CNIH1: variants seen among roughly 807,000 people sequenced by gnomAD.
The protein encoded by CNIH1 is protein cornichon homolog 1.
Under a neutral mutation model 20.2 loss-of-function variants are expected in CNIH1, and 12 were observed. The observed-to-expected ratio is 0.59, with a 90% CI of 0.38 to 0.96. The LOEUF (loss-of-function observed/expected upper bound fraction) is 0.96. Among genes scored for constraint, CNIH1 ranks in the 40% least tolerant of loss-of-function variants. The pLI is 0.00. For synonymous variants in CNIH1, 69 were observed against 63.3 expected (o/e 1.09, Z -0.43); for missense variants, 152 against 178.8 (o/e 0.85, Z 0.85).
At position 54,432,032 on chromosome 14, in the gene CNIH1, T is replaced by A. The variant is rs113690865; in HGVS notation, c.263+76A>T. 140 of 668,266 alleles carry A rather than the reference T, an allele frequency of 2.1e-4. No individual in the cohort carries two copies. In the African/African-American group the frequency reaches 2.1e-3, roughly 10 times the overall value. 41.4% of individuals were successfully genotyped at this position (668,266 alleles called of 1,614,324 possible). ...TCCATTTTTATGTAGGTGACTAGCA[T>A]GTAAGATAACCATATCAACCACAGT... On this transcript the variant is annotated intron_variant, in intron 3 of 4. Transcript: ENST00000216416.
At chr14:54,431,471 A>C (rs1221976872) in intron 3 of CNIH1, among the ~76,000 whole-genome samples, 1 of 152,194 alleles carries the variant, frequency 6.6e-6, no homozygotes, top group Non-Finnish European at 1.5e-5. Flanking sequence ...TGTAGACCTG[A>C]TAACACTTTA....
chr14:54,429,231 G>C (rs931801415), intron 4 of CNIH1, among the ~76,000 whole-genome samples: 4 of 152,194 alleles, frequency 2.6e-5, no homozygotes, highest in Admixed American at 2.6e-4. Flanking sequence ...TTCTCACCCA[G>C]GGCAATTTTG....
At chr14:54,432,075 T>A (rs1566716625) in intron 3 of CNIH1, 33 bp downstream of exon 3, 1 of 1,204,218 alleles carries the variant, frequency 8.3e-7, no homozygotes, top group Non-Finnish European at 1.1e-6. Flanking sequence ...AGTTTTAATT[T>A]AAAAAAATAT....
At chr14:54,431,023 C>T (rs1436105992) in intron 3 of CNIH1, among the ~76,000 whole-genome samples, 1 of 151,964 alleles carries the variant, frequency 6.6e-6, no homozygotes, top group Non-Finnish European at 1.5e-5. Context: ...GGGGGTTTTG[C>T]CACGTTGCCC....
chr14:54,424,820 G>C lies in CNIH1; in HGVS notation c.*2994C>G, dbSNP rs1237933103. 6.6e-6 allele frequency: 1 copy of C among 152,110 alleles called. No individual in the cohort carries two copies. The highest frequency in any genetic ancestry group is 1.5e-5 in the Non-Finnish European group (1 of 68,016). 9.4% of individuals were successfully genotyped at this position (152,110 alleles called of 1,614,324 possible). A position where few individuals can be genotyped will look rare whatever the true frequency, so the allele number is the denominator to read the frequency against. On this transcript the variant is annotated 3_prime_UTR_variant, in exon 5 of 5. Coordinates refer to ENST00000216416, the MANE Select transcript of CNIH1 (RefSeq NM_005776.3). ...TGCCATGTGAGAGACCATTATCTGGGTACATGAATTTGACTGGTAGGTCTG... is the reference window on the plus strand; with the variant it reads ...TGCCATGTGAGAGACCATTATCTGGCTACATGAATTTGACTGGTAGGTCTG...
rs150353270 is a variant in CNIH1, at chr14:54,431,779, T to G, written c.263+329A>C. 6.6e-5 allele frequency among the ~76,000 whole-genome samples: 10 copies of G among 152,288 alleles called. No homozygotes were observed. The East Asian group carries it at 1.7e-3, about 26-fold the overall frequency. The stretch of plus-strand genomic sequence containing the variant: ...TGACTTAAGATGGGGCATAAGTGAA[T>G]GCTCTGGAGGCTACAACTGTTGTGT... On this transcript the variant is annotated intron_variant, in intron 3 of 4. Transcript: ENST00000216416.
intron 2 of CNIH1, among the ~76,000 whole-genome samples, chr14:54,432,936 CA>C (rs1421832648): frequency 6.6e-6 from 1 of 152,090 alleles, no homozygotes; most frequent in Non-Finnish European, 1.5e-5. Context: ...CCCTGCTTGC[CA>C]ACAAAATGCT....
chr14:54,430,534 T>G, intron 3 of CNIH1, 130 bp from the exon 4 acceptor site: 1 of 799,290 alleles, frequency 1.3e-6, no homozygotes, highest in Non-Finnish European at 1.9e-6. Context: ...TACTTATGGG[T>G]AAAATGCTTT....
At chr14:54,431,392 C>A (rs1315922609) in intron 3 of CNIH1, among the ~76,000 whole-genome samples, 1 of 152,172 alleles carries the variant, frequency 6.6e-6, no homozygotes. Flanking sequence ...TCCCAAAGTG[C>A]TGGGATTACA....
At position 54,426,736 on chromosome 14, in the gene CNIH1, A is replaced by G. The variant is rs980694326; in HGVS notation, c.*1078T>C. On this transcript the variant is annotated 3_prime_UTR_variant, in exon 5 of 5. Transcript: ENST00000216416. ...GATGCTATGCCATCCACGTTTATGA[A>G]TCTTGTCAAATGACAAAAGAGGTTA... The G allele has an allele frequency of 6.6e-6, 1 of 152,216 alleles. No homozygotes were observed. Among genetic ancestry groups the G allele is most frequent in the South Asian group, 2.1e-4 (1 of 4,836 alleles). 9.4% of individuals were successfully genotyped at this position (152,216 alleles called of 1,614,324 possible). A position where few individuals can be genotyped will look rare whatever the true frequency, so the allele number is the denominator to read the frequency against.
chr14:54,430,148 C>T, intron 4 of CNIH1, 113 bp downstream of exon 4: 2 of 1,158,380 alleles, frequency 1.7e-6, no homozygotes, highest in Non-Finnish European at 2.5e-6. Flanking sequence ...ACCATGCACA[C>T]TTAAGACACT....
chr14:54,438,754 A>C (rs1203541881), intron 1 of CNIH1, among the ~76,000 whole-genome samples: 1 of 152,238 alleles, frequency 6.6e-6, no homozygotes, highest in African/African-American at 2.4e-5. Context: ...TAACTCCTCC[A>C]AATCTCAGGT....
intron 2 of CNIH1, among the ~76,000 whole-genome samples, chr14:54,434,407 T>C (rs2031012468): frequency 6.6e-6 from 1 of 152,128 alleles, no homozygotes; most frequent in Admixed American, 6.5e-5. Flanking sequence ...AAATTTACAA[T>C]ACATTAGGAA....
At chr14:54,439,539 A>ACTTT (rs762752719) in intron 1 of CNIH1, among the ~76,000 whole-genome samples, 4 of 150,212 alleles carry the variant, frequency 2.7e-5, no homozygotes, top group African/African-American at 9.8e-5. Flanking sequence ...GGAACCACAC[A>ACTTT]CTTTCTTTCT....
Position 54,426,051 on chromosome 14 carries a change from TG to T in CNIH1, c.*1762del, listed in dbSNP as rs2139997490. ...CTAAGTGCATGCTGATGTAATCAGG[TG>T]GACTGGAAACTGAATGACTGCCTGT... On this transcript the variant is annotated 3_prime_UTR_variant, in exon 5 of 5. Transcript: ENST00000216416. The T allele has an allele frequency of 6.6e-6, 1 of 152,240 alleles. No individual in the cohort carries two copies. The highest frequency in any genetic ancestry group is 1.9e-4 in the East Asian group (1 of 5,170). The allele number at this position is 152,240 out of a possible 1,614,324, so 9.4% of individuals were successfully genotyped here. A position where few individuals can be genotyped will look rare whatever the true frequency, so the allele number is the denominator to read the frequency against.
chr14:54,432,409 G>A (rs2030967689), intron 2 of CNIH1, among the ~76,000 whole-genome samples, 189 bp from the exon 3 acceptor site: 1 of 152,198 alleles, frequency 6.6e-6, no homozygotes, highest in Admixed American at 6.5e-5. Flanking sequence ...CAGGCAAACT[G>A]ACCAGAGCAT....
At position 54,441,288 on chromosome 14, in the gene CNIH1, G is replaced by C. The variant is rs1226674370; in HGVS notation, c.40C>G (p.Leu14Val). 4 of 1,522,186 alleles carry C rather than the reference G, an allele frequency of 2.6e-6. No individual in the cohort carries two copies. In the East Asian group the frequency reaches 8.0e-5, roughly 30 times the overall value. 94.3% of individuals were successfully genotyped at this position (1,522,186 alleles called of 1,614,324 possible). The change falls in exon 1 of 5, where the codon CTG (leucine) becomes GTG (valine). Residue 14 changes from leucine to valine, a missense_variant. Physicochemically the swap from Leu to Val is conservative, Grantham distance 32 (BLOSUM62 1). Coordinates refer to ENST00000216416, the MANE Select transcript of CNIH1 (RefSeq NM_005776.3). ...AAGATGAGCGCGGCAGTGAGCAGCA[G>C]CGCCAGCATGTAGCAGAAGGCCGCG... ...TFAAFCYMLA[L>V]LLTAALIFFA...
At chr14:54,437,609 C>CT (rs1431365389) in intron 1 of CNIH1, among the ~76,000 whole-genome samples, 4 of 151,428 alleles carry the variant, frequency 2.6e-5, no homozygotes, top group Non-Finnish European at 5.9e-5. Flanking sequence ...AAAATAGTGC[C>CT]TGGCACATAG....
rs1566715112 is a variant in CNIH1, at chr14:54,427,161, T to C, written c.*653A>G. On this transcript the variant is annotated 3_prime_UTR_variant, in exon 5 of 5. Transcript: ENST00000216416. ...CATTCTTCACAAGTAATTCAGCATA[T>C]ATTTTTATATCATGTTTACTTATGC... 1 of 152,200 alleles carries C rather than the reference T, an allele frequency of 6.6e-6. No individual in the cohort carries two copies. The highest frequency in any genetic ancestry group is 1.5e-5 in the Non-Finnish European group (1 of 68,012). 9.4% of individuals were successfully genotyped at this position (152,200 alleles called of 1,614,324 possible).
Sources: gnomAD v4.1 joint callset for allele counts (sites outside exome capture counted in the v4.1 genomes callset) on GRCh38, gnomAD v4.1.1 for gene constraint, MANE v1.5 for transcripts, NCBI Gene and HGNC (gene_info 2026-07-23, HGNC 2026-07-21) for gene names.